PCDHGA3: variants seen among roughly 807,000 people sequenced by gnomAD.
PCDHGA3 encodes protocadherin gamma subfamily A, 3, also known as protocadherin gamma-A3.
Under a neutral mutation model 58.5 loss-of-function variants are expected in PCDHGA3, and 40 were observed. That is an observed-to-expected ratio of 0.68 (90% CI 0.53 to 0.89). The LOEUF (loss-of-function observed/expected upper bound fraction) is 0.89, where lower values mean the gene tolerates loss of function less well. Among genes scored for constraint, PCDHGA3 ranks in the 40% least tolerant of loss-of-function variants. The probability of loss-of-function intolerance (pLI) is 0.00; values close to 1 mark genes in which losing one functional copy is unlikely to be tolerated. For missense variants in PCDHGA3, 1,223 were observed against 1,195.9 expected, an observed-to-expected ratio of 1.02 and a Z score of -0.33; for synonymous variants, 530 against 525.7, an observed-to-expected ratio of 1.01 and a Z score of -0.11.
intron 1 of PCDHGA3, among the ~76,000 whole-genome samples, chr5:141,424,884 T>C (rs953145254): frequency 2.0e-5 from 3 of 152,186 alleles, no homozygotes; most frequent in Non-Finnish European, 4.4e-5. Flanking sequence ...AGGAGACTTA[T>C]CTAGGGTTTT....
At position 141,491,390 on chromosome 5, in the gene PCDHGA3, T is replaced by C; in HGVS notation, c.2425-3417T>C. 6.2e-7 allele frequency: 1 copy of C among 1,614,130 alleles called. No homozygotes were observed. Among genetic ancestry groups the C allele is most frequent in the Non-Finnish European group, 8.5e-7 (1 of 1,179,988 alleles). ...TTCACCTTTCTGTCAGCGAAGTGCC[T>C]TCAGGGAAACGCAGACGGGGACGGG... On this transcript the variant is annotated intron_variant, in intron 1 of 3. Coordinates refer to ENST00000253812, the MANE Select transcript of PCDHGA3 (RefSeq NM_018916.4). This position sits in a 1 kb window ranked among gnomAD's most constrained non-coding sequence, Gnocchi z 6.9.
rs1005709757 is a variant in PCDHGA3 at position 141,495,051 on chromosome 5, A to G, written c.2483+186A>G. Among the ~76,000 whole-genome samples, 3 of 152,042 alleles carry G rather than the reference A, an allele frequency of 2.0e-5. No homozygotes were observed. In the East Asian group the frequency reaches 5.8e-4, roughly 29 times the overall value. On this transcript the variant is annotated intron_variant, in intron 2 of 3. Transcript: ENST00000253812. ...CCGGAAGGAAGAGGCGACTGCCCTG[A>G]CTGTTCAGGAAGCTCAATTCACATG... is the stretch of plus-strand genomic sequence containing the variant.
chr5:141,449,876 C>G (rs924666805), intron 1 of PCDHGA3, among the ~76,000 whole-genome samples: 2 of 151,724 alleles, frequency 1.3e-5, no homozygotes, highest in Non-Finnish European at 2.9e-5. Flanking sequence ...AATTTAACAT[C>G]AATGCAATAT....
At chr5:141,366,775 A>G (rs550477594) in intron 1 of PCDHGA3, 13 of 1,595,244 alleles carry the variant, frequency 8.1e-6, no homozygotes, top group African/African-American at 1.3e-5. Context: ...TTCGGTAAGG[A>G]TGACCAGAAC....
intron 1 of PCDHGA3, among the ~76,000 whole-genome samples, chr5:141,445,920 A>C (rs1343777309): frequency 6.6e-6 from 1 of 152,212 alleles, no homozygotes; most frequent in African/African-American, 2.4e-5. Context: ...GGCAGTGACA[A>C]GATATTTGAA....
intron 1 of PCDHGA3, among the ~76,000 whole-genome samples, chr5:141,381,695 T>C (rs1479367517): frequency 6.6e-6 from 1 of 152,164 alleles, no homozygotes; most frequent in Non-Finnish European, 1.5e-5. Flanking sequence ...CAAACAACGA[T>C]TTCTTTCTTT....
intron 1 of PCDHGA3, among the ~76,000 whole-genome samples, chr5:141,479,909 A>G (rs2099509651): frequency 6.6e-6 from 1 of 152,160 alleles, no homozygotes; most frequent in South Asian, 2.1e-4. Context: ...AAACACTGTT[A>G]TTTTGTTACT....
At chr5:141,503,004 C>T (rs114294610) in intron 2 of PCDHGA3, among the ~76,000 whole-genome samples, 5,013 of 145,894 alleles carry the variant, frequency 0.034, 127 homozygotes, top group South Asian at 0.076. Context: ...CCACCATGCC[C>T]GGTTAATTTT....
intron 1 of PCDHGA3, among the ~76,000 whole-genome samples, chr5:141,480,408 C>A (rs371569489): frequency 7.2e-6 from 1 of 138,932 alleles, no homozygotes; most frequent in African/African-American, 2.9e-5. Flanking sequence ...GAGTGAGACC[C>A]TGTCTCAAAA....
At position 141,364,425 on chromosome 5, in the gene PCDHGA3, G is replaced by T; in HGVS notation, c.2424+17968G>T. 6.2e-7 allele frequency: 1 copy of T among 1,613,642 alleles called. No homozygotes were observed. Among genetic ancestry groups the T allele is most frequent in the Non-Finnish European group, 8.5e-7 (1 of 1,179,688 alleles). Reference sequence around the variant, plus strand: ...TGCGAGCCAGGATCCGGGCAGATCCGCTACTCGATGCCGGAGGAGCTGGAC... The same window carrying T: ...TGCGAGCCAGGATCCGGGCAGATCCTCTACTCGATGCCGGAGGAGCTGGAC... On this transcript the variant is annotated intron_variant, in intron 1 of 3. Coordinates refer to ENST00000253812, the MANE Select transcript of PCDHGA3 (RefSeq NM_018916.4).
At chr5:141,385,300 A>G (rs1781097976) in intron 1 of PCDHGA3, 2 of 1,613,102 alleles carry the variant, frequency 1.2e-6, no homozygotes, top group Non-Finnish European at 8.5e-7. Flanking sequence ...TCAGGAATGT[A>G]AAGAAAACCT....
At chr5:141,440,859 T>C (rs1272611201) in intron 1 of PCDHGA3, 1 of 152,076 alleles carries the variant, frequency 6.6e-6, no homozygotes, top group Non-Finnish European at 1.5e-5. Context: ...CCTGTGTTCA[T>C]CTAGGATGTG....
chr5:141,511,489 A>G lies in PCDHGA3; in HGVS notation c.*316A>G. 2.3e-6 allele frequency: 1 copy of G among 435,688 alleles called. No individual in the cohort carries two copies. Among genetic ancestry groups the G allele is most frequent in the Non-Finnish European group, 4.2e-6 (1 of 239,908 alleles). The allele number at this position is 435,688 out of a possible 1,614,324, so 27.0% of individuals were successfully genotyped here. ...CGTTTAGTTACAGCTGAACTCCTCC[A>G]TCTTCCAAATCAATCAGGCCCATCC... On this transcript the variant is annotated 3_prime_UTR_variant, in exon 4 of 4. Coordinates refer to ENST00000253812, the MANE Select transcript of PCDHGA3 (RefSeq NM_018916.4).
chr5:141,371,365 G>T, intron 1 of PCDHGA3: 1 of 1,614,006 alleles, frequency 6.2e-7, no homozygotes, highest in South Asian at 1.1e-5. Flanking sequence ...GCAAAGGATG[G>T]TGGACATCAC....
At chr5:141,429,845 T>C (rs888160645) in intron 1 of PCDHGA3, among the ~76,000 whole-genome samples, 4 of 152,222 alleles carry the variant, frequency 2.6e-5, no homozygotes, top group Non-Finnish European at 1.5e-5. Context: ...GGTAAGTCTG[T>C]AACATTCTTT....
chr5:141,468,809 T>A (rs1473677700), intron 1 of PCDHGA3, among the ~76,000 whole-genome samples: 1 of 151,850 alleles, frequency 6.6e-6, no homozygotes, highest in Admixed American at 6.6e-5. Flanking sequence ...GAACTTGCAG[T>A]GAGCCAAGAT....
chr5:141,481,913 CAA>C (rs34114744), intron 1 of PCDHGA3, among the ~76,000 whole-genome samples: 12,059 of 90,730 alleles, frequency 0.13, 576 homozygotes, highest in African/African-American at 0.21. Flanking sequence ...AACTCCATCT[CAA>C]AAAAAAAAAA....
intron 1 of PCDHGA3, chr5:141,395,065 A>G: frequency 6.2e-7 from 1 of 1,614,132 alleles, no homozygotes; most frequent in South Asian, 1.1e-5. Context: ...GCTTTCCTGC[A>G]GACCTATTCC....
intron 1 of PCDHGA3, chr5:141,351,853 G>A (rs563575027): frequency 2.5e-6 from 4 of 1,613,036 alleles, no homozygotes; most frequent in South Asian, 1.1e-5. Context: ...TGCAGGCCAG[G>A]GACCAGGGCT....
Sources: gnomAD v4.1 joint callset for allele counts (sites outside exome capture counted in the v4.1 genomes callset) on GRCh38, gnomAD v4.1.1 for gene constraint, Gnocchi (gnomAD v3.1) non-coding constraint, MANE v1.5 for transcripts, NCBI Gene and HGNC (gene_info 2026-07-23, HGNC 2026-07-21) for gene names.